PRKCZ: variants seen among roughly 807,000 people sequenced by gnomAD.
PRKCZ encodes the protein protein kinase C zeta type.
In PRKCZ, 33 loss-of-function variants were observed where a neutral mutation model predicts 79.5. The ratio of observed to expected loss-of-function variants is 0.41; its 90% CI spans 0.31 to 0.55. The LOEUF (loss-of-function observed/expected upper bound fraction) is 0.55. PRKCZ is among the 20% of genes least tolerant of loss of function. PRKCZ has a pLI of 0.19. For missense variants in PRKCZ, 578 were observed against 813.5 expected (o/e 0.71, Z 3.52); for synonymous variants, 342 against 320.9 (o/e 1.07, Z -0.70).
At chr1:2,091,192 C>T (rs930950913) in intron 4 of PRKCZ, among the ~76,000 whole-genome samples, 3 of 152,064 alleles carry the variant, frequency 2.0e-5, no homozygotes, top group East Asian at 1.9e-4. Context: ...CCACCATGCC[C>T]GGCTAATTTT....
intron 4 of PRKCZ, among the ~76,000 whole-genome samples, chr1:2,120,330 G>A (rs1207359280): frequency 2.4e-5 from 2 of 81,662 alleles, no homozygotes; most frequent in Non-Finnish European, 4.7e-5. Flanking sequence ...TTTGAGTCTC[G>A]CTCTTGTTGC....
chr1:2,166,852 GC>G (rs1683434412), intron 10 of PRKCZ, among the ~76,000 whole-genome samples: 3 of 152,216 alleles, frequency 2.0e-5, no homozygotes. Context: ...TTGCGCCCCT[GC>G]CTGAGAGCCT....
chr1:2,093,845 G>A (rs1665941886), intron 4 of PRKCZ, among the ~76,000 whole-genome samples: 1 of 152,076 alleles, frequency 6.6e-6, no homozygotes, highest in South Asian at 2.1e-4. Context: ...CTGCCTTGGC[G>A]GGCACGGGAC....
At chr1:2,157,340 G>A (rs919572466) in intron 10 of PRKCZ, among the ~76,000 whole-genome samples, 14 of 152,134 alleles carry the variant, frequency 9.2e-5, no homozygotes, top group African/African-American at 2.7e-4. Context: ...TCACCATCAC[G>A]AGCATAAGGC....
At chr1:2,139,142 G>T (rs1168246206) in intron 5 of PRKCZ, among the ~76,000 whole-genome samples, 1 of 152,184 alleles carries the variant, frequency 6.6e-6, no homozygotes, top group Admixed American at 6.5e-5. Context: ...CTACACAAAG[G>T]CTTTTGGTAA....
intron 4 of PRKCZ, among the ~76,000 whole-genome samples, chr1:2,092,810 A>G (rs1665748409): frequency 6.6e-6 from 1 of 151,740 alleles, no homozygotes; most frequent in African/African-American, 2.4e-5. Flanking sequence ...GCTCGGGAGG[A>G]GGGGCCAGGT....
At chr1:2,117,312 A>G (rs535139368) in intron 4 of PRKCZ, among the ~76,000 whole-genome samples, 84 of 151,686 alleles carry the variant, frequency 5.5e-4, no homozygotes, top group Non-Finnish European at 7.8e-4. Context: ...TTTTTGTTCA[A>G]ATGATTCCCT....
intron 4 of PRKCZ, among the ~76,000 whole-genome samples, chr1:2,097,761 T>A (rs1247753330): frequency 2.6e-5 from 4 of 152,304 alleles, no homozygotes; most frequent in African/African-American, 4.8e-5. Flanking sequence ...AAATAAATTT[T>A]GGGTGCTGCA....
chr1:2,140,035 G>T (rs1048598233), intron 5 of PRKCZ, among the ~76,000 whole-genome samples: 1 of 152,216 alleles, frequency 6.6e-6, no homozygotes, highest in Non-Finnish European at 1.5e-5. Flanking sequence ...GACCACTTGG[G>T]TCCCTGGAGA....
chr1:2,152,860 G>A (rs1472506043), intron 9 of PRKCZ, among the ~76,000 whole-genome samples: 1 of 152,260 alleles, frequency 6.6e-6, no homozygotes, highest in African/African-American at 2.4e-5. Flanking sequence ...CCGTTGTCCA[G>A]TGGAGGCCCC....
At chr1:2,108,158 G>A (rs533973152) in intron 4 of PRKCZ, among the ~76,000 whole-genome samples, 207 of 152,344 alleles carry the variant, frequency 1.4e-3, no homozygotes, top group African/African-American at 4.5e-3. Flanking sequence ...GGTAAATGCC[G>A]CACTCGAGTA....
intron 4 of PRKCZ, among the ~76,000 whole-genome samples, chr1:2,131,186 C>T (rs1000386430): frequency 6.6e-6 from 1 of 152,196 alleles, no homozygotes; most frequent in African/African-American, 2.4e-5. Context: ...AGCTGACTGC[C>T]GGGTGCCACA....
At chr1:2,080,039 C>G (rs1458266913) in intron 4 of PRKCZ, among the ~76,000 whole-genome samples, 1 of 152,254 alleles carries the variant, frequency 6.6e-6, no homozygotes, top group Non-Finnish European at 1.5e-5. Flanking sequence ...TTCCTGCTAC[C>G]TGGAGCCTCT....
At chr1:2,068,059 G>A (rs942589315) in intron 4 of PRKCZ, among the ~76,000 whole-genome samples, 5 of 152,136 alleles carry the variant, frequency 3.3e-5, no homozygotes, top group Non-Finnish European at 7.4e-5. Flanking sequence ...CGGCCCTGTC[G>A]GCCTGAGCCA....
At chr1:2,175,170 C>T in intron 15 of PRKCZ, 54 bp from the exon 16 acceptor site, 1 of 1,503,340 alleles carries the variant, frequency 6.7e-7, no homozygotes, top group Non-Finnish European at 9.2e-7. Flanking sequence ...GAGAGGGGGT[C>T]ATGGGGCTTC....
intron 9 of PRKCZ, 142 bp downstream of exon 9, chr1:2,151,120 C>T (rs1679820088): frequency 1.9e-6 from 2 of 1,046,466 alleles, no homozygotes; most frequent in Non-Finnish European, 2.7e-6. Context: ...AGTCATGCAT[C>T]GTGTAATGAC....
chr1:2,153,460 G>A (rs1226449783), intron 9 of PRKCZ, among the ~76,000 whole-genome samples: 2 of 152,184 alleles, frequency 1.3e-5, no homozygotes, highest in African/African-American at 4.8e-5. Flanking sequence ...TGGGGCTGGG[G>A]CTGAGCCTCT....
intron 11 of PRKCZ, 118 bp from the exon 12 acceptor site, chr1:2,171,937 C>T: frequency 7.9e-7 from 1 of 1,268,264 alleles, no homozygotes; most frequent in Non-Finnish European, 1.1e-6. Flanking sequence ...TGGGCCTGGT[C>T]ATTGAGAGGA....
rs1161599068 is a variant in PRKCZ at position 2,172,256 on chromosome 1, G to T, written c.1198-45G>T. 1.2e-6 allele frequency: 2 copies of T among 1,613,430 alleles called. No individual in the cohort carries two copies. Among genetic ancestry groups the T allele is most frequent in the South Asian group, 1.1e-5 (1 of 91,088 alleles). On this transcript the variant is annotated intron_variant, in intron 12 of 17. Transcript: ENST00000378567. This position sits in a 1 kb window ranked among gnomAD's most constrained non-coding sequence, Gnocchi z 7.8. Reference sequence around the variant, plus strand: ...GCGTCTCGGGGCGCCTGTCCCGCGGGGTAGTGTCTACAAGAACCCTCTCCC... The same window carrying T: ...GCGTCTCGGGGCGCCTGTCCCGCGGTGTAGTGTCTACAAGAACCCTCTCCC...
Sources: gnomAD v4.1 joint callset for allele counts (sites outside exome capture counted in the v4.1 genomes callset) on GRCh38, gnomAD v4.1.1 for gene constraint, Gnocchi (gnomAD v3.1) non-coding constraint, MANE v1.5 for transcripts, NCBI Gene and HGNC (gene_info 2026-07-23, HGNC 2026-07-21) for gene names.